Variants in TPST1 observed in about 807,000 individuals in gnomAD.
TPST1 encodes protein-tyrosine sulfotransferase 1.
In TPST1, 20 loss-of-function variants were observed where a neutral mutation model predicts 34.8. That is an observed-to-expected ratio of 0.57 (90% CI 0.40 to 0.84). The LOEUF is 0.84. Among genes scored for constraint, TPST1 ranks in the 40% least tolerant of loss-of-function variants. The probability of loss-of-function intolerance (pLI) is 0.00; values close to 1 mark genes in which losing one functional copy is unlikely to be tolerated. For missense variants in TPST1, 353 were observed against 455.5 expected (o/e 0.78, Z 2.05); for synonymous variants, 152 against 159.4 (o/e 0.95, Z 0.35).
In TPST1 at chr7:66,215,771, C is replaced by CT. The variant is rs772346557; in HGVS notation, c.-102+10252dup. On this transcript the variant is annotated intron_variant, in intron 1 of 5. Transcript: ENST00000304842. ...CCATCTTGTCCTGGTTTTTCTTTTT[C>CT]TTTCTTTTTTTTTTTTTTTGAGACG... is the stretch of plus-strand genomic sequence containing the variant. 1.5e-3 allele frequency among the ~76,000 whole-genome samples: 166 copies of CT among 108,544 alleles called. 4 individuals carry two copies. The highest frequency in any genetic ancestry group is 2.2e-3 in the Non-Finnish European group (117 of 54,306). The allele number at this position is 108,544 out of a possible 152,430, so 71.2% of individuals were successfully genotyped here.
At chr7:66,339,016 A>C (rs1450696061) in intron 3 of TPST1, among the ~76,000 whole-genome samples, 1 of 152,056 alleles carries the variant, frequency 6.6e-6, no homozygotes, top group African/African-American at 2.4e-5. Flanking sequence ...AAATGAAACC[A>C]AGACTAAAAG....
At position 66,328,906 on chromosome 7, in the gene TPST1, A is replaced by ATTTTTTTT. The variant is rs1172711561; in HGVS notation, c.1045-23583_1045-23576dup. 6.1e-4 allele frequency among the ~76,000 whole-genome samples: 8 copies of ATTTTTTTT among 13,154 alleles called. 1 individual carries two copies. The highest frequency in any genetic ancestry group is 4.0e-3 in the African/African-American group (7 of 1,770). The allele number at this position is 13,154 out of a possible 152,430, so 8.6% of individuals were successfully genotyped here. On this transcript the variant is annotated intron_variant, in intron 3 of 5. Coordinates refer to ENST00000304842, the MANE Select transcript of TPST1 (RefSeq NM_003596.4). ...TCTCTCTATATATATATATATATAT[A>ATTTTTTTT]TTTTTTTTTTTTTTTTTTTTTTTGA... is the stretch of plus-strand genomic sequence containing the variant.
At chr7:66,234,408 C>T (rs551601113) in intron 1 of TPST1, among the ~76,000 whole-genome samples, 2 of 149,556 alleles carry the variant, frequency 1.3e-5, no homozygotes, top group South Asian at 4.2e-4. Flanking sequence ...GCTACACACA[C>T]ACACACACAC....
At chr7:66,256,917 A>G (rs1790393324) in intron 2 of TPST1, among the ~76,000 whole-genome samples, 1 of 152,098 alleles carries the variant, frequency 6.6e-6, no homozygotes, top group African/African-American at 2.4e-5. Flanking sequence ...CATCTAAATC[A>G]GGTCCAGTTG....
chr7:66,318,031 C>T (rs905757016), intron 3 of TPST1, among the ~76,000 whole-genome samples: 16 of 151,968 alleles, frequency 1.1e-4, no homozygotes, highest in Non-Finnish European at 1.8e-4. Flanking sequence ...GGGTGGCAGG[C>T]GCCTATAATC....
At chr7:66,215,448 C>T (rs973110581) in intron 1 of TPST1, among the ~76,000 whole-genome samples, 6 of 151,524 alleles carry the variant, frequency 4.0e-5, no homozygotes, top group Non-Finnish European at 7.4e-5. Flanking sequence ...GATCTCGGCT[C>T]GCTGCAAGCT....
intron 1 of TPST1, among the ~76,000 whole-genome samples, chr7:66,229,128 T>TC (rs397796436): frequency 1.3e-5 from 2 of 151,800 alleles, no homozygotes; most frequent in African/African-American, 2.4e-5. Context: ...TTTTTTTTTT[T>TC]CTGAGACAGT....
At chr7:66,206,964 G>C (rs1381605489) in intron 1 of TPST1, among the ~76,000 whole-genome samples, 1 of 152,102 alleles carries the variant, frequency 6.6e-6, no homozygotes, top group Admixed American at 6.6e-5. Context: ...GCTCTTGGAG[G>C]AAATAGCGAG....
intron 3 of TPST1, among the ~76,000 whole-genome samples, chr7:66,323,882 T>G (rs569963243): frequency 6.6e-6 from 1 of 152,328 alleles, no homozygotes; most frequent in East Asian, 1.9e-4. Flanking sequence ...ATCCAGCAGT[T>G]CCACTTCTGT....
At chr7:66,293,836 C>T (rs1482055354) in intron 3 of TPST1, among the ~76,000 whole-genome samples, 1 of 152,212 alleles carries the variant, frequency 6.6e-6, no homozygotes, top group African/African-American at 2.4e-5. Flanking sequence ...TTATTAAACA[C>T]TAGCCTTCTG....
intron 2 of TPST1, among the ~76,000 whole-genome samples, chr7:66,268,272 A>G (rs6960446): frequency 0.67 from 101,214 of 152,006 alleles, 34,061 homozygotes; most frequent in African/African-American, 0.76. Flanking sequence ...ACTTTTTAAA[A>G]TATGCCATAG....
At chr7:66,354,466 G>A (rs1424908488) in intron 4 of TPST1, among the ~76,000 whole-genome samples, 1 of 130,032 alleles carries the variant, frequency 7.7e-6, no homozygotes, top group Non-Finnish European at 1.5e-5. Flanking sequence ...TAATTAGCAA[G>A]ACTTGGTGGT....
intron 1 of TPST1, among the ~76,000 whole-genome samples, chr7:66,209,378 G>A (rs946441254): frequency 6.6e-6 from 1 of 152,200 alleles, no homozygotes; most frequent in African/African-American, 2.4e-5. Flanking sequence ...TATGGGAGCC[G>A]CTCATGAATG....
At position 66,338,185 on chromosome 7, in the gene TPST1, C is replaced by T. The variant is rs540113206; in HGVS notation, c.1045-14320C>T. Among the ~76,000 whole-genome samples, 7 of 151,856 alleles carry T rather than the reference C, an allele frequency of 4.6e-5. No individual in the cohort carries two copies. The East Asian group carries it at 1.4e-3, about 29-fold the overall frequency. On this transcript the variant is annotated intron_variant, in intron 3 of 5. Coordinates refer to ENST00000304842, the MANE Select transcript of TPST1 (RefSeq NM_003596.4). ...GGAAACCAAAAAAGAGCAAGAGAGC[C>T]TATAGTTTTATCACATAAAATAAAC...
intron 3 of TPST1, among the ~76,000 whole-genome samples, chr7:66,322,703 A>C (rs1327598782): frequency 6.6e-6 from 1 of 152,202 alleles, no homozygotes; most frequent in Non-Finnish European, 1.5e-5. Flanking sequence ...ATGTGCAGAT[A>C]TCTCTTTGAG....
chr7:66,345,549 G>A (rs956707737), intron 3 of TPST1, among the ~76,000 whole-genome samples: 2 of 148,538 alleles, frequency 1.3e-5, no homozygotes, highest in African/African-American at 5.0e-5. Context: ...CAGGCACCTA[G>A]GCATATCATA....
intron 3 of TPST1, among the ~76,000 whole-genome samples, chr7:66,336,853 A>G (rs189155461): frequency 8.7e-4 from 133 of 152,348 alleles, no homozygotes; most frequent in African/African-American, 3.1e-3. Context: ...CAAGGCAGCA[A>G]GAGAAAAGAA....
At chr7:66,344,755 A>C (rs1792308590) in intron 3 of TPST1, among the ~76,000 whole-genome samples, 2 of 130,832 alleles carry the variant, frequency 1.5e-5, no homozygotes, top group African/African-American at 2.9e-5. Context: ...ACATAGTCTC[A>C]CTCTGTCGCC....
intron 1 of TPST1, among the ~76,000 whole-genome samples, chr7:66,210,011 T>G (rs765541781): frequency 1.6e-4 from 24 of 152,106 alleles, no homozygotes; most frequent in Non-Finnish European, 1.6e-4. Context: ...CTGGTAGCAT[T>G]GTAGAGAACA....
Sources: gnomAD v4.1 joint callset for allele counts (sites outside exome capture counted in the v4.1 genomes callset) on GRCh38, gnomAD v4.1.1 for gene constraint, MANE v1.5 for transcripts, NCBI Gene and HGNC (gene_info 2026-07-23, HGNC 2026-07-21) for gene names.